Variants in CACNA1D observed in about 807,000 individuals in gnomAD.
CACNA1D encodes the protein voltage-dependent L-type calcium channel subunit alpha-1D.
Under a neutral mutation model 257.1 loss-of-function variants are expected in CACNA1D, and 55 were observed. The ratio of observed to expected loss-of-function variants is 0.21; its 90% CI spans 0.17 to 0.27. The LOEUF (loss-of-function observed/expected upper bound fraction) is 0.27, where lower values mean the gene tolerates loss of function less well. Among genes scored for constraint, CACNA1D ranks in the 10% least tolerant of loss-of-function variants. The pLI is 1.00. For missense variants in CACNA1D, 1,876 were observed against 2,784.0 expected (o/e 0.67, Z 7.34); for synonymous variants, 980 against 1,014.9 (o/e 0.97, Z 0.65).
At chr3:53,674,308 T>G (rs2094352991) in intron 8 of CACNA1D, among the ~76,000 whole-genome samples, 2 of 152,182 alleles carry the variant, frequency 1.3e-5, no homozygotes, top group African/African-American at 4.8e-5. Flanking sequence ...TACTGGACAG[T>G]TTCAAAATCT....
At position 53,786,568 on chromosome 3, in the gene CACNA1D, A is replaced by C. The variant is rs76105596; in HGVS notation, c.4793-254A>C. The C allele has an allele frequency of 1.3e-3, 664 of 496,198 alleles. No homozygotes were observed. Among genetic ancestry groups the C allele is most frequent in the African/African-American group, 0.012 (624 of 51,672 alleles). 30.7% of individuals were successfully genotyped at this position (496,198 alleles called of 1,614,324 possible). A position where few individuals can be genotyped will look rare whatever the true frequency, so the allele number is the denominator to read the frequency against. ...ATGCTGCTCTATTAAACTCATAACA[A>C]ATATATTATTTTCTGCAACCTAGAG... On this transcript the variant is annotated intron_variant, in intron 39 of 47. Transcript: ENST00000350061.
intron 3 of CACNA1D, among the ~76,000 whole-genome samples, chr3:53,642,949 A>G (rs1465231592): frequency 3.9e-5 from 6 of 152,246 alleles, no homozygotes; most frequent in South Asian, 2.1e-4. Context: ...TAGTTTGCAC[A>G]GCTCTATCCA....
intron 7 of CACNA1D, among the ~76,000 whole-genome samples, chr3:53,668,594 C>T (rs992047715): frequency 6.6e-6 from 1 of 152,156 alleles, no homozygotes; most frequent in Non-Finnish European, 1.5e-5. Flanking sequence ...AAGATGGAGA[C>T]AGTGGCGTAG....
intron 8 of CACNA1D, among the ~76,000 whole-genome samples, chr3:53,695,722 T>C (rs950154274): frequency 6.6e-6 from 1 of 152,200 alleles, no homozygotes; most frequent in African/African-American, 2.4e-5. Context: ...TTTGACCACA[T>C]TGGTATTGAT....
At chr3:53,733,662 G>T (rs2029331) in intron 19 of CACNA1D, among the ~76,000 whole-genome samples, 1 of 151,884 alleles carries the variant, frequency 6.6e-6, no homozygotes, top group Non-Finnish European at 1.5e-5. Flanking sequence ...AATCATCTGG[G>T]ACTGAGTGGA....
intron 15 of CACNA1D, among the ~76,000 whole-genome samples, chr3:53,728,639 G>A (rs2094959228): frequency 6.6e-6 from 1 of 152,180 alleles, no homozygotes. Context: ...CAACATCCTG[G>A]ACTTGAATCT....
chr3:53,569,509 G>T (rs2092907053), intron 3 of CACNA1D, among the ~76,000 whole-genome samples: 1 of 152,206 alleles, frequency 6.6e-6, no homozygotes, highest in Non-Finnish European at 1.5e-5. Flanking sequence ...TGTTAAAGGA[G>T]TGAATGTGTT....
At chr3:53,795,790 G>A (rs917910528) in intron 40 of CACNA1D, among the ~76,000 whole-genome samples, 3 of 152,194 alleles carry the variant, frequency 2.0e-5, no homozygotes, top group Non-Finnish European at 4.4e-5. Flanking sequence ...CTCTCAGATT[G>A]TGTGCAGGCA....
At chr3:53,555,998 C>G (rs1421814323) in intron 3 of CACNA1D, among the ~76,000 whole-genome samples, 4 of 152,168 alleles carry the variant, frequency 2.6e-5, no homozygotes, top group African/African-American at 9.7e-5. Flanking sequence ...TACCCCAGCC[C>G]ATGGCAACCA....
chr3:53,553,645 G>A (rs2092580663), intron 3 of CACNA1D, among the ~76,000 whole-genome samples: 1 of 152,080 alleles, frequency 6.6e-6, no homozygotes, highest in African/African-American at 2.4e-5. Flanking sequence ...TTCCAATGCA[G>A]TTGTAACAGT....
chr3:53,622,239 C>G (rs1302490596), intron 3 of CACNA1D, among the ~76,000 whole-genome samples: 1 of 152,120 alleles, frequency 6.6e-6, no homozygotes, highest in Non-Finnish European at 1.5e-5. Context: ...TTAATAGAGA[C>G]AGGGTTTCAC....
intron 3 of CACNA1D, among the ~76,000 whole-genome samples, chr3:53,581,782 C>G (rs957183820): frequency 6.6e-6 from 1 of 152,166 alleles, no homozygotes; most frequent in Non-Finnish European, 1.5e-5. Context: ...CACGTCTACT[C>G]TCTACTAATA....
intron 9 of CACNA1D, among the ~76,000 whole-genome samples, chr3:53,709,386 C>G (rs2094725685): frequency 1.3e-5 from 2 of 152,236 alleles, no homozygotes; most frequent in Non-Finnish European, 2.9e-5. Flanking sequence ...AACCCAAGCT[C>G]TGCCACAGTC....
intron 3 of CACNA1D, among the ~76,000 whole-genome samples, chr3:53,615,831 G>A (rs1463767139): frequency 9.9e-5 from 15 of 152,182 alleles, no homozygotes; most frequent in Admixed American, 9.8e-4. Context: ...TTTTCAGTTA[G>A]GGCAGCCACT....
At chr3:53,698,971 A>G (rs2094597032) in intron 8 of CACNA1D, among the ~76,000 whole-genome samples, 1 of 152,182 alleles carries the variant, frequency 6.6e-6, no homozygotes, top group Non-Finnish European at 1.5e-5. Context: ...TTATTAAATA[A>G]GCTTTGTAAA....
chr3:53,642,622 C>T (rs1453255256), intron 3 of CACNA1D, among the ~76,000 whole-genome samples: 1 of 152,264 alleles, frequency 6.6e-6, no homozygotes, highest in Non-Finnish European at 1.5e-5. Context: ...CTGCCAGCCT[C>T]TGCCGCCCCA....
At chr3:53,753,538 G>C in intron 28 of CACNA1D, 34 bp from the exon 29 acceptor site, 1 of 1,361,608 alleles carries the variant, frequency 7.3e-7, no homozygotes, top group Non-Finnish European at 1.1e-6. Flanking sequence ...CGTGGCTGAG[G>C]CTCTGAGAAC....
intron 8 of CACNA1D, among the ~76,000 whole-genome samples, chr3:53,700,737 A>T (rs1262170237): frequency 6.6e-6 from 1 of 151,966 alleles, no homozygotes; most frequent in Admixed American, 6.6e-5. Context: ...TTCCTTATTC[A>T]CAGGGGGTGG....
intron 39 of CACNA1D, among the ~76,000 whole-genome samples, chr3:53,784,166 G>A (rs2095440821): frequency 6.6e-6 from 1 of 152,210 alleles, no homozygotes; most frequent in South Asian, 2.1e-4. Context: ...CACCATCAGT[G>A]CTGAGCCGCC....
Sources: gnomAD v4.1 joint callset for allele counts (sites outside exome capture counted in the v4.1 genomes callset) on GRCh38, gnomAD v4.1.1 for gene constraint, MANE v1.5 for transcripts, NCBI Gene and HGNC (gene_info 2026-07-23, HGNC 2026-07-21) for gene names.